HDAC9: variants seen among roughly 807,000 people sequenced by gnomAD.
The protein encoded by HDAC9 is histone deacetylase 9.
A neutral mutation model predicts 139.4 loss-of-function variants in HDAC9; 41 were observed. The ratio of observed to expected loss-of-function variants is 0.29; its 90% CI spans 0.23 to 0.38. HDAC9 has a LOEUF of 0.38. Ranked by LOEUF, HDAC9 falls within the 10% of genes least tolerant of loss-of-function variation. HDAC9 has a pLI of 1.00. For missense variants in HDAC9, 1,147 were observed against 1,297.0 expected, an observed-to-expected ratio of 0.88 and a Z score of 1.78; for synonymous variants, 517 against 476.2, an observed-to-expected ratio of 1.09 and a Z score of -1.12.
chr7:18,962,016 A>C (rs1206369178), intron 24 of HDAC9, among the ~76,000 whole-genome samples: 1 of 152,176 alleles, frequency 6.6e-6, no homozygotes. Context: ...TGGCTAATTG[A>C]GATTTAGCCA....
At chr7:18,754,068 C>T (rs923516557) in intron 14 of HDAC9, among the ~76,000 whole-genome samples, 2 of 152,082 alleles carry the variant, frequency 1.3e-5, no homozygotes, top group African/African-American at 4.8e-5. Flanking sequence ...TATTAGATTA[C>T]AGTGGTTACA....
At chr7:18,212,563 C>G (rs981270321) in intron 2 of HDAC9, among the ~76,000 whole-genome samples, 8 of 152,148 alleles carry the variant, frequency 5.3e-5, no homozygotes, top group Non-Finnish European at 1.0e-4. Context: ...TTTGTTTACT[C>G]ATCTGTAAAA....
intron 1 of HDAC9, among the ~76,000 whole-genome samples, chr7:18,154,415 G>A (rs1787020174): frequency 6.6e-6 from 1 of 152,174 alleles, no homozygotes; most frequent in South Asian, 2.1e-4. Context: ...ACAGTGAGAG[G>A]CACTATGTGT....
intron 1 of HDAC9, among the ~76,000 whole-genome samples, chr7:18,374,168 A>G (rs974430026): frequency 1.3e-5 from 2 of 151,306 alleles, no homozygotes; most frequent in African/African-American, 2.4e-5. Context: ...TATATGTAGT[A>G]CATGCATAAA....
chr7:18,122,129 A>G (rs1784399915), intron 1 of HDAC9, among the ~76,000 whole-genome samples: 1 of 152,214 alleles, frequency 6.6e-6, no homozygotes, highest in African/African-American at 2.4e-5. Flanking sequence ...ATTCAATCAT[A>G]ATATTTTATT....
chr7:18,111,747 T>C (rs1783631780), intron 1 of HDAC9, among the ~76,000 whole-genome samples: 1 of 152,200 alleles, frequency 6.6e-6, no homozygotes, highest in Non-Finnish European at 1.5e-5. Context: ...AATCCATAGA[T>C]ACGGAGGGCC....
chr7:18,948,735 A>G (rs1782579804), intron 23 of HDAC9, among the ~76,000 whole-genome samples: 1 of 152,152 alleles, frequency 6.6e-6, no homozygotes, highest in Non-Finnish European at 1.5e-5. Context: ...AGAAAACTGA[A>G]CAGACATTTT....
At chr7:18,208,372 C>CTTTTTTT (rs71553923) in intron 2 of HDAC9, among the ~76,000 whole-genome samples, 1 of 130,554 alleles carries the variant, frequency 7.7e-6, no homozygotes. Context: ...CTGAGAGTAT[C>CTTTTTTT]TTTTTTTTTT....
chr7:18,210,459 A>G (rs1368626202), intron 2 of HDAC9, among the ~76,000 whole-genome samples: 1 of 152,210 alleles, frequency 6.6e-6, no homozygotes, highest in Non-Finnish European at 1.5e-5. Flanking sequence ...TTTTTCAAAT[A>G]TAACTCGCAT....
chr7:18,190,804 C>A (rs1324535966), intron 2 of HDAC9, among the ~76,000 whole-genome samples: 1 of 151,980 alleles, frequency 6.6e-6, no homozygotes, highest in African/African-American at 2.4e-5. Context: ...AGATTTTTTG[C>A]TTCTCAGAAA....
chr7:18,913,699 G>C (rs145298120), intron 22 of HDAC9, among the ~76,000 whole-genome samples: 2 of 151,906 alleles, frequency 1.3e-5, no homozygotes, highest in African/African-American at 2.4e-5. Flanking sequence ...CTAGGCAGAA[G>C]AGAAGTTAAA....
At position 18,470,322 on chromosome 7, in the gene HDAC9, A is replaced by G. The variant is rs980201497; in HGVS notation, c.-41-25940A>G. 2.0e-5 allele frequency among the ~76,000 whole-genome samples: 3 copies of G among 152,136 alleles called. No homozygotes were observed. In the East Asian group the frequency reaches 5.8e-4, roughly 29 times the overall value. ...AGGGAGACCCCCAACTCTTAAAAAA[A>G]AAAAGAAGCCAAACCAAAAAGCCAG... On this transcript the variant is annotated intron_variant, in intron 1 of 3. Transcript: ENST00000413509.
At chr7:18,883,533 G>C (rs948880566) in intron 22 of HDAC9, among the ~76,000 whole-genome samples, 1 of 152,030 alleles carries the variant, frequency 6.6e-6, no homozygotes, top group African/African-American at 2.4e-5. Flanking sequence ...TGGAAGGAAT[G>C]TACCTCAACA....
chr7:18,707,333 A>G (rs1312330212), intron 12 of HDAC9, among the ~76,000 whole-genome samples: 1 of 152,242 alleles, frequency 6.6e-6, no homozygotes, highest in Non-Finnish European at 1.5e-5. Context: ...CTTAGAAGTG[A>G]TGGAGGATAG....
At chr7:18,798,895 C>T (rs1026651345) in intron 17 of HDAC9, among the ~76,000 whole-genome samples, 1 of 152,096 alleles carries the variant, frequency 6.6e-6, no homozygotes, top group Non-Finnish European at 1.5e-5. Flanking sequence ...TATATGCATA[C>T]TCAGATTTGT....
intron 14 of HDAC9, among the ~76,000 whole-genome samples, chr7:18,761,574 G>T (rs973788873): frequency 4.6e-5 from 7 of 152,176 alleles, no homozygotes; most frequent in Non-Finnish European, 8.8e-5. Context: ...CTGAATTTCT[G>T]TACTGACCTC....
chr7:18,948,939 C>T, intron 23 of HDAC9: 1 of 356,612 alleles, frequency 2.8e-6, no homozygotes. Context: ...TGAATAGCCT[C>T]TTGGTCAGTC....
chr7:18,895,968 C>T (rs1384986967), intron 22 of HDAC9, among the ~76,000 whole-genome samples: 1 of 151,974 alleles, frequency 6.6e-6, no homozygotes, highest in African/African-American at 2.4e-5. Flanking sequence ...CTTGACTATA[C>T]AAGCATAAAG....
intron 1 of HDAC9, among the ~76,000 whole-genome samples, chr7:18,154,522 A>G (rs1432781107): frequency 2.0e-5 from 3 of 152,186 alleles, no homozygotes; most frequent in Non-Finnish European, 2.9e-5. Context: ...CACCTTACCA[A>G]TGATTACTTT....
Sources: gnomAD v4.1 joint callset for allele counts (sites outside exome capture counted in the v4.1 genomes callset) on GRCh38, gnomAD v4.1.1 for gene constraint, MANE v1.5 for transcripts, NCBI Gene and HGNC (gene_info 2026-07-23, HGNC 2026-07-21) for gene names.